The following MED12L variants were observed in gnomAD, a reference collection of about 807,000 sequenced individuals.
The protein encoded by MED12L is mediator of RNA polymerase II transcription subunit 12-like protein.
Under a neutral mutation model 281.3 loss-of-function variants are expected in MED12L, and 60 were observed. That is an observed-to-expected ratio of 0.21 (90% CI 0.17 to 0.26). MED12L has a LOEUF of 0.26. MED12L is among the 10% of genes least tolerant of loss of function. The probability of loss-of-function intolerance (pLI) is 1.00; values close to 1 mark genes in which losing one functional copy is unlikely to be tolerated. For missense variants in MED12L, 2,146 were observed against 2,680.9 expected (o/e 0.80, Z 4.41); for synonymous variants, 974 against 987.2 (o/e 0.99, Z 0.25).
intron 16 of MED12L, among the ~76,000 whole-genome samples, chr3:151,222,329 G>A (rs1729531342): frequency 6.6e-6 from 1 of 152,146 alleles, no homozygotes; most frequent in African/African-American, 2.4e-5. Context: ...AGACATGATT[G>A]GTTTTGAAAT....
At chr3:151,139,877 CTT>C (rs1320214049) in intron 5 of MED12L, among the ~76,000 whole-genome samples, 2 of 152,196 alleles carry the variant, frequency 1.3e-5, no homozygotes, top group Non-Finnish European at 2.9e-5. Flanking sequence ...CTATTGGACT[CTT>C]TAAGACATGC....
chr3:151,315,188 T>C (rs1450020481), intron 16 of MED12L, among the ~76,000 whole-genome samples: 1 of 152,204 alleles, frequency 6.6e-6, no homozygotes, highest in East Asian at 1.9e-4. Flanking sequence ...ATCTTAACTT[T>C]CCTTGGTATT....
intron 11 of MED12L, among the ~76,000 whole-genome samples, chr3:151,176,009 G>T (rs927522898): frequency 2.6e-5 from 4 of 152,094 alleles, no homozygotes; most frequent in Non-Finnish European, 4.4e-5. Flanking sequence ...CATTGTAGAA[G>T]TTTCTTCTTG....
chr3:151,419,870 A>G lies in MED12L; in HGVS notation c.6408+3448A>G, dbSNP rs374982360. Among the ~76,000 whole-genome samples the G allele has an allele frequency of 1.6e-4, 25 of 151,582 alleles. No individual in the cohort carries two copies. In the East Asian group the frequency reaches 4.5e-3, roughly 27 times the overall value. On this transcript the variant is annotated intron_variant, in intron 43 of 44. Coordinates refer to ENST00000687756, the MANE Select transcript of MED12L (RefSeq NM_001393769.1). The stretch of plus-strand genomic sequence containing the variant: ...TAAAGGAAAAGGAAATAAAATTAAG[A>G]TATTAGTACAAGTGTATACCTGCAC...
intron 16 of MED12L, among the ~76,000 whole-genome samples, chr3:151,300,748 C>G (rs761996355): frequency 2.0e-5 from 3 of 152,214 alleles, no homozygotes; most frequent in Non-Finnish European, 4.4e-5. Flanking sequence ...TGTCCAATCA[C>G]AAAGCAAACT....
chr3:151,134,375 C>T (rs1363087035), intron 5 of MED12L, among the ~76,000 whole-genome samples: 1 of 152,154 alleles, frequency 6.6e-6, no homozygotes, highest in East Asian at 1.9e-4. Context: ...GAAAGAGATA[C>T]GTTATTCTCA....
chr3:151,384,240 A>G, intron 35 of MED12L, 22 bp downstream of exon 35: 1 of 1,582,934 alleles, frequency 6.3e-7, no homozygotes, highest in Non-Finnish European at 8.6e-7. Flanking sequence ...ATCAGCCTGT[A>G]TTATGAGCTC....
chr3:151,407,543 C>T (rs1260494524), intron 39 of MED12L, among the ~76,000 whole-genome samples: 1 of 152,170 alleles, frequency 6.6e-6, no homozygotes, highest in Non-Finnish European at 1.5e-5. Flanking sequence ...TATTCCTTGG[C>T]ATAGTGTTTG....
At chr3:151,256,053 G>T (rs2870517) in intron 16 of MED12L, among the ~76,000 whole-genome samples, 132,289 of 152,222 alleles carry the variant, frequency 0.87, 57,690 homozygotes, top group African/African-American at 0.95. Flanking sequence ...AAAACTGCAT[G>T]GTTCAACATA....
rs148538586 is a variant in MED12L, at chr3:151,375,970, C to CATATAT, written c.3865-50_3865-45dup. ...TGCACTGTGGATTTAGTACATATTG[C>CATATAT]ATATATATATACCGAAAGCCAGTGC... is the stretch of plus-strand genomic sequence containing the variant. On this transcript the variant is annotated intron_variant, in intron 27 of 44. Coordinates refer to ENST00000687756, the MANE Select transcript of MED12L (RefSeq NM_001393769.1). 8.1e-4 allele frequency: 658 copies of CATATAT among 813,038 alleles called. 7 individuals carry two copies. The African/African-American group carries it at 0.011, about 13-fold the overall frequency. The allele number at this position is 813,038 out of a possible 1,614,324, so 50.4% of individuals were successfully genotyped here.
chr3:151,370,541 A>G (rs574334717), intron 26 of MED12L, among the ~76,000 whole-genome samples: 2 of 152,356 alleles, frequency 1.3e-5, no homozygotes, highest in South Asian at 4.1e-4. Flanking sequence ...AAGGGGAGGT[A>G]GAGCCACGTC....
intron 39 of MED12L, among the ~76,000 whole-genome samples, chr3:151,399,492 ATGT>A (rs1715392273): frequency 6.6e-6 from 1 of 152,196 alleles, no homozygotes; most frequent in South Asian, 2.1e-4. Context: ...ATAAAAAGGA[ATGT>A]TGTTTTGTCA....
rs373159825 is a variant in MED12L at position 151,208,951 on chromosome 3, A to G, written c.2250+15285A>G. Among the ~76,000 whole-genome samples, 227 of 152,276 alleles carry G rather than the reference A, an allele frequency of 1.5e-3. 5 individuals carry two copies. The South Asian group carries it at 0.042, about 28-fold the overall frequency. ...TGACACCTGGAGGCTGATAAAGAACAAATTTACTCCCTTGTCTTAAGTCCT... is the reference window on the plus strand; with the variant it reads ...TGACACCTGGAGGCTGATAAAGAACGAATTTACTCCCTTGTCTTAAGTCCT... On this transcript the variant is annotated intron_variant, in intron 16 of 44. Transcript: ENST00000687756.
At chr3:151,131,328 T>C (rs747081872) in intron 5 of MED12L, among the ~76,000 whole-genome samples, 5 of 152,178 alleles carry the variant, frequency 3.3e-5, no homozygotes, top group Admixed American at 2.6e-4. Flanking sequence ...AAGCCAGGCA[T>C]GGTGGCTCAT....
chr3:151,213,622 C>T (rs999725235), intron 16 of MED12L: 7 of 1,613,964 alleles, frequency 4.3e-6, no homozygotes, highest in Admixed American at 1.7e-5. Context: ...TATGTTGCGG[C>T]TAGATTTCTT....
chr3:151,300,526 G>C lies in MED12L; in HGVS notation c.2251-49533G>C, dbSNP rs150602655. 3.7e-3 allele frequency among the ~76,000 whole-genome samples: 566 copies of C among 152,288 alleles called. 3 individuals are homozygous for C. The highest frequency in any genetic ancestry group is 0.013 in the African/African-American group (530 of 41,562). On this transcript the variant is annotated intron_variant, in intron 16 of 44. Coordinates refer to ENST00000687756, the MANE Select transcript of MED12L (RefSeq NM_001393769.1). Reference sequence around the variant, plus strand: ...CCCCCACCCCTTCCCCTGCAGCTGGGTCTGTTCCCTGTTCTCTGGATTCTA... The same window carrying C: ...CCCCCACCCCTTCCCCTGCAGCTGGCTCTGTTCCCTGTTCTCTGGATTCTA...
chr3:151,378,822 T>C, intron 31 of MED12L, among the ~76,000 whole-genome samples: 1 of 152,234 alleles, frequency 6.6e-6, no homozygotes, highest in Non-Finnish European at 1.5e-5. Flanking sequence ...CATAGATTTC[T>C]TGTCCACTAA....
At chr3:151,408,924 C>T (rs1716645857) in intron 39 of MED12L, among the ~76,000 whole-genome samples, 1 of 152,172 alleles carries the variant, frequency 6.6e-6, no homozygotes, top group African/African-American at 2.4e-5. Flanking sequence ...AGATTTCACA[C>T]TTAGTGGGAC....
At chr3:151,384,426 T>G (rs1258944567) in intron 35 of MED12L, among the ~76,000 whole-genome samples, 1 of 152,242 alleles carries the variant, frequency 6.6e-6, no homozygotes, top group Non-Finnish European at 1.5e-5. Context: ...ACAATTACAT[T>G]ATAAAACATG....
Sources: allele counts gnomAD v4.1 joint callset (sites outside exome capture counted in the v4.1 genomes callset), GRCh38; gene constraint gnomAD v4.1.1; transcripts MANE v1.5; gene names NCBI Gene and HGNC (gene_info 2026-07-23, HGNC 2026-07-21).